GPR15LG: variants seen among roughly 807,000 people sequenced by gnomAD.
The protein encoded by GPR15LG is G protein-coupled receptor 15 ligand.
the GPR15LG span, among the ~76,000 whole-genome samples, chr10:84,176,177 C>T: frequency 2.0e-5 from 3 of 152,200 alleles, no homozygotes; most frequent in Non-Finnish European, 4.4e-5. Context: ...CATGAGCCAC[C>T]ACACCCAGCT....
the GPR15LG span, among the ~76,000 whole-genome samples, chr10:84,179,588 C>T: frequency 2.4e-4 from 36 of 152,336 alleles, no homozygotes; most frequent in Admixed American, 1.4e-3. Flanking sequence ...TGACAAAGCC[C>T]GTGCATCTGT....
At chr10:84,185,242 G>A in the GPR15LG span, 1 of 192,986 alleles carries the variant, frequency 5.2e-6, no homozygotes, top group Non-Finnish European at 9.8e-6. Flanking sequence ...CTGCTGGAAA[G>A]AGCATCCAAA....
At chr10:84,178,835 A>G in the GPR15LG span, among the ~76,000 whole-genome samples, 6 of 152,348 alleles carry the variant, frequency 3.9e-5, no homozygotes, top group South Asian at 1.0e-3. Flanking sequence ...AAATTTATGA[A>G]CAACTTAGAA....
chr10:84,174,487 C>CTT, the GPR15LG span, among the ~76,000 whole-genome samples: 642 of 108,614 alleles, frequency 5.9e-3, 17 homozygotes, highest in African/African-American at 0.014. Context: ...GCCCTTTTTT[C>CTT]TTTTTTCTTT....
chr10:84,183,992 A>T, the GPR15LG span, among the ~76,000 whole-genome samples: 2 of 151,996 alleles, frequency 1.3e-5, no homozygotes, highest in Non-Finnish European at 2.9e-5. Flanking sequence ...GGATATTCAG[A>T]TTGTTTCCAG....
At chr10:84,181,240 A>ATT in the GPR15LG span, among the ~76,000 whole-genome samples, 93 of 117,962 alleles carry the variant, frequency 7.9e-4, 1 homozygote, top group African/African-American at 2.0e-3. Context: ...AAAAAATTAA[A>ATT]TTTTTTTTTT....
At chr10:84,181,524 CA>C in the GPR15LG span, among the ~76,000 whole-genome samples, 6 of 152,330 alleles carry the variant, frequency 3.9e-5, no homozygotes, top group East Asian at 1.2e-3. Flanking sequence ...CTCCTGGGCT[CA>C]AGTGATCCGC....
the GPR15LG span, chr10:84,184,760 G>T: frequency 1.5e-3 from 2,483 of 1,613,868 alleles, 36 homozygotes; most frequent in East Asian, 0.027. Flanking sequence ...CACTCCCACA[G>T]GTGTAGCACT....
At chr10:84,178,559 A>C in the GPR15LG span, among the ~76,000 whole-genome samples, 1 of 151,842 alleles carries the variant, frequency 6.6e-6, no homozygotes, top group Admixed American at 6.6e-5. Flanking sequence ...CTACACATGG[A>C]CAAGCAATTA....
chr10:84,184,623 C>T, the GPR15LG span: 2 of 1,560,646 alleles, frequency 1.3e-6, no homozygotes, highest in Non-Finnish European at 1.8e-6. Context: ...CACAACCTGG[C>T]TCTGACCTCG....
chr10:84,184,937 C>G, the GPR15LG span: 1 of 1,460,284 alleles, frequency 6.8e-7, no homozygotes, highest in South Asian at 1.4e-5. Flanking sequence ...ACGTCCTTGT[C>G]TCAATTGTGC....
chr10:84,184,244 G>T, the GPR15LG span, among the ~76,000 whole-genome samples: 202 of 152,290 alleles, frequency 1.3e-3, 3 homozygotes, highest in East Asian at 0.021. Flanking sequence ...AAATGGGACT[G>T]GTTTGTCAAA....
the GPR15LG span, chr10:84,176,556 A>G: frequency 9.7e-5 from 156 of 1,613,616 alleles, no homozygotes; most frequent in African/African-American, 1.6e-3. Flanking sequence ...GCCCCAACTC[A>G]ACAAACCTGA....
chr10:84,175,008 T>C, the GPR15LG span, among the ~76,000 whole-genome samples: 15,743 of 152,276 alleles, frequency 0.1, 920 homozygotes, highest in East Asian at 0.19. Context: ...TCCTTGCATG[T>C]AGAATTTTTA....
At chr10:84,184,034 T>C in the GPR15LG span, among the ~76,000 whole-genome samples, 12 of 151,996 alleles carry the variant, frequency 7.9e-5, no homozygotes, top group South Asian at 2.5e-3. Context: ...AAAACAAAAC[T>C]ATGGGCCAGG....
chr10:84,178,030 C>T, the GPR15LG span, among the ~76,000 whole-genome samples: 1 of 151,862 alleles, frequency 6.6e-6, no homozygotes, highest in South Asian at 2.1e-4. Flanking sequence ...CACACAAATA[C>T]ATGCGCACAC....
chr10:84,175,485 C>A, the GPR15LG span, among the ~76,000 whole-genome samples: 4 of 152,218 alleles, frequency 2.6e-5, no homozygotes, highest in Non-Finnish European at 4.4e-5. Flanking sequence ...CATGCTTAGA[C>A]ATTTAGATAG....
the GPR15LG span, among the ~76,000 whole-genome samples, chr10:84,182,047 C>T: frequency 5.9e-5 from 9 of 152,200 alleles, no homozygotes; most frequent in Non-Finnish European, 1.2e-4. Context: ...TGGCTGAGCC[C>T]ATAGTGGGAG....
the GPR15LG span, among the ~76,000 whole-genome samples, chr10:84,175,982 G>T: frequency 1.3e-5 from 2 of 151,824 alleles, no homozygotes; most frequent in African/African-American, 4.8e-5. Context: ...TCCGCCTCCC[G>T]GGTTCAAGTG....
Sources: allele counts gnomAD v4.1 joint callset (sites outside exome capture counted in the v4.1 genomes callset), GRCh38; gene constraint gnomAD v4.1.1; transcripts MANE v1.5; gene names NCBI Gene and HGNC (gene_info 2026-07-23, HGNC 2026-07-21).